Variants in HS3ST5 observed in about 807,000 individuals in gnomAD.
HS3ST5 encodes heparan sulfate glucosamine 3-O-sulfotransferase 5.
In HS3ST5, 10 loss-of-function variants were observed where a neutral mutation model predicts 25.4. That is an observed-to-expected ratio of 0.39 (90% CI 0.24 to 0.67). HS3ST5 has a LOEUF of 0.67. HS3ST5 is among the 30% of genes least tolerant of loss of function. The pLI, the probability that HS3ST5 is intolerant of heterozygous loss-of-function variation, is 0.44. For synonymous variants in HS3ST5, 170 were observed against 162.4 expected (o/e 1.05, Z -0.36); for missense variants, 324 against 420.7 (o/e 0.77, Z 2.01).
chr6:114,285,480 A>G (rs1311441453), intron 1 of HS3ST5, among the ~76,000 whole-genome samples: 1 of 152,106 alleles, frequency 6.6e-6, no homozygotes, highest in Non-Finnish European at 1.5e-5. Flanking sequence ...GTCCAGTGAA[A>G]TACTATGCAG....
At chr6:114,291,360 A>G (rs374099128) in intron 1 of HS3ST5, among the ~76,000 whole-genome samples, 1 of 152,226 alleles carries the variant, frequency 6.6e-6, no homozygotes, top group Admixed American at 6.5e-5. Flanking sequence ...TTAAAGGGTA[A>G]TTACACTCAG....
At chr6:114,174,673 G>A (rs1199447996) in intron 2 of HS3ST5, among the ~76,000 whole-genome samples, 1 of 152,116 alleles carries the variant, frequency 6.6e-6, no homozygotes, top group Non-Finnish European at 1.5e-5. Context: ...TTTGGTTTAA[G>A]ACTTTTCTCA....
At position 114,194,200 on chromosome 6, in the gene HS3ST5, TG is replaced by T. The variant is rs560588592; in HGVS notation, c.-144-25739del. Among the ~76,000 whole-genome samples, 52 of 152,338 alleles carry T rather than the reference TG, an allele frequency of 3.4e-4. No homozygotes were observed. In the South Asian group the frequency reaches 6.6e-3, roughly 19 times the overall value. On this transcript the variant is annotated intron_variant, in intron 2 of 4. Transcript: ENST00000312719. ...AGATATCTTTTGCATTGACTAAATC[TG>T]GGCATTTGGATGCAAGAAAGACCTG...
At chr6:114,333,016 G>T (rs1216821209) in intron 1 of HS3ST5, among the ~76,000 whole-genome samples, 2 of 152,118 alleles carry the variant, frequency 1.3e-5, no homozygotes, top group Non-Finnish European at 2.9e-5. Flanking sequence ...CTGAAGGTAA[G>T]GGATGCTGCA....
At chr6:114,316,154 G>A (rs1314251677) in intron 1 of HS3ST5, among the ~76,000 whole-genome samples, 1 of 152,240 alleles carries the variant, frequency 6.6e-6, no homozygotes, top group African/African-American at 2.4e-5. Context: ...GTAATATAAA[G>A]TGAATTAGGC....
intron 1 of HS3ST5, among the ~76,000 whole-genome samples, chr6:114,311,593 A>C (rs1775537357): frequency 8.7e-6 from 1 of 114,446 alleles, no homozygotes; most frequent in African/African-American, 3.4e-5. Context: ...CACAGGCTGG[A>C]GTGCTATGGC....
intron 1 of HS3ST5, among the ~76,000 whole-genome samples, chr6:114,241,132 G>GTTTT (rs34220294): frequency 1.2e-4 from 14 of 117,792 alleles, no homozygotes; most frequent in Admixed American, 1.8e-4. Flanking sequence ...AGAAAAATCA[G>GTTTT]TTTTTTTTTT....
At chr6:114,088,065 G>A (rs1188052802) in intron 3 of HS3ST5, among the ~76,000 whole-genome samples, 1 of 152,142 alleles carries the variant, frequency 6.6e-6, no homozygotes, top group Non-Finnish European at 1.5e-5. Flanking sequence ...ATTTTATGTT[G>A]TGATGCCTAT....
intron 1 of HS3ST5, among the ~76,000 whole-genome samples, chr6:114,259,215 A>G (rs1032477318): frequency 2.6e-5 from 4 of 152,230 alleles, no homozygotes; most frequent in African/African-American, 9.6e-5. Context: ...CATGGGAATC[A>G]TTTCCTGTAG....
At chr6:114,128,652 C>A (rs1777165880) in intron 3 of HS3ST5, among the ~76,000 whole-genome samples, 1 of 152,138 alleles carries the variant, frequency 6.6e-6, no homozygotes, top group Admixed American at 6.5e-5. Context: ...ACAAAATAAA[C>A]CTGTAGATTT....
At chr6:114,263,948 T>C (rs1582770395) in intron 1 of HS3ST5, among the ~76,000 whole-genome samples, 1 of 151,944 alleles carries the variant, frequency 6.6e-6, no homozygotes, top group African/African-American at 2.4e-5. Context: ...CTCAATCACA[T>C]AAAGCATAAA....
chr6:114,269,997 A>G lies in HS3ST5; in HGVS notation c.-338-41219T>C, dbSNP rs79866301. 4.0e-3 allele frequency among the ~76,000 whole-genome samples: 602 copies of G among 152,254 alleles called. 3 individuals carry two copies. The highest frequency in any genetic ancestry group is 6.3e-3 in the Non-Finnish European group (430 of 68,010). ...AAACATTGGGCTTATGCTCAAATTGACCCTTCCAGTGCTAGTATTGATCTA... is the reference window on the plus strand; with the variant it reads ...AAACATTGGGCTTATGCTCAAATTGGCCCTTCCAGTGCTAGTATTGATCTA... On this transcript the variant is annotated intron_variant, in intron 1 of 4. Transcript: ENST00000312719.
At chr6:114,154,631 C>T (rs1194914443) in intron 3 of HS3ST5, among the ~76,000 whole-genome samples, 5 of 152,200 alleles carry the variant, frequency 3.3e-5, no homozygotes, top group African/African-American at 9.7e-5. Context: ...CACCCCATCA[C>T]ATCTTATTTA....
intron 4 of HS3ST5, chr6:114,059,902 T>A (rs778925474): frequency 6.6e-6 from 1 of 152,254 alleles, no homozygotes; most frequent in African/African-American, 2.4e-5. Flanking sequence ...CAGCTATCTA[T>A]CATAATGCTT....
intron 3 of HS3ST5, among the ~76,000 whole-genome samples, chr6:114,105,227 A>G (rs184435424): frequency 3.9e-5 from 6 of 152,336 alleles, no homozygotes; most frequent in Admixed American, 1.3e-4. Flanking sequence ...AAAGTGATAT[A>G]TAATCCCTCC....
intron 1 of HS3ST5, among the ~76,000 whole-genome samples, chr6:114,264,749 T>G (rs1318158332): frequency 6.6e-6 from 1 of 152,178 alleles, no homozygotes; most frequent in Non-Finnish European, 1.5e-5. Flanking sequence ...AAGTCCAGTA[T>G]CATATGTGAT....
chr6:114,125,829 C>T (rs1777011686), intron 3 of HS3ST5, among the ~76,000 whole-genome samples: 2 of 152,312 alleles, frequency 1.3e-5, no homozygotes, highest in South Asian at 4.1e-4. Context: ...GCCCATTTGG[C>T]ATTGTTTGAC....
intron 1 of HS3ST5, among the ~76,000 whole-genome samples, chr6:114,337,150 T>C (rs1361721413): frequency 1.3e-5 from 2 of 152,220 alleles, no homozygotes; most frequent in Non-Finnish European, 2.9e-5. Flanking sequence ...GTTTCATAGA[T>C]AGTAATGTCC....
intron 3 of HS3ST5, among the ~76,000 whole-genome samples, chr6:114,129,251 C>CTTTTTTTTTT (rs398048772): frequency 1.0e-5 from 1 of 98,022 alleles, no homozygotes; most frequent in Admixed American, 1.4e-4. Flanking sequence ...CAACAAGAAC[C>CTTTTTTTTTT]TTTTTTTTTT....
Sources: allele counts gnomAD v4.1 joint callset (sites outside exome capture counted in the v4.1 genomes callset), GRCh38; gene constraint gnomAD v4.1.1; transcripts MANE v1.5; gene names NCBI Gene and HGNC (gene_info 2026-07-23, HGNC 2026-07-21).